The following BIRC6 variants were observed in gnomAD, a reference collection of about 807,000 sequenced individuals.
BIRC6 encodes the protein baculoviral IAP repeat containing 6, also known as dual E2 ubiquitin-conjugating enzyme/E3 ubiquitin-protein ligase BIRC6.
BIRC6 carries 98 observed loss-of-function variants against 503.3 expected under a neutral mutation model. The observed-to-expected ratio is 0.19, with a 90% CI of 0.17 to 0.23. BIRC6 has a LOEUF of 0.23. BIRC6 is among the 10% of genes least tolerant of loss of function. BIRC6 has a pLI of 1.00. For synonymous variants in BIRC6, 2,240 were observed against 2,078.7 expected (o/e 1.08, Z -2.11); for missense variants, 5,360 against 5,806.0 (o/e 0.92, Z 2.50).
chr2:32,488,697 T>G lies in BIRC6; in HGVS notation c.8078T>G (p.Val2693Gly), dbSNP rs1221765808. 7.0e-7 allele frequency: 1 copy of G among 1,420,900 alleles called. No homozygotes were observed. The highest frequency in any genetic ancestry group is 2.5e-5 in the East Asian group (1 of 39,934). The allele number at this position is 1,420,900 out of a possible 1,614,324, so 88.0% of individuals were successfully genotyped here. ...TTATATAATGCTAATAGGATACCTG[T>G]TATTTCATTAAATCAAGGTAAGATT... ...IFLYNANRIP[V>G]ISLNQASITS... The change falls in exon 42 of 74, where the codon GTT becomes GGT. Residue 2693 changes from valine (V) to glycine (G), a missense_variant. Physicochemically the swap from Val to Gly is moderately radical, Grantham distance 109. Around this residue, in one of 16 missense-constraint regions of BIRC6, gnomAD observed 2,299 missense variants for 2,267.2 expected, o/e 1.01. Transcript: ENST00000421745.
chr2:32,597,662 A>G (rs2583713), intron 68 of BIRC6, 89 bp from the exon 69 acceptor site: 355,541 of 905,648 alleles, frequency 0.39, 71,863 homozygotes, highest in Non-Finnish European at 0.42. Context: ...TCTCCAGTTG[A>G]GTGGGAGAAG....
In BIRC6 at chr2:32,617,716, C is replaced by T. The variant is rs1305388680; in HGVS notation, c.14395-9C>T. On this transcript the variant is annotated splice_polypyrimidine_tract_variant and intron_variant, in intron 73 of 73. Transcript: ENST00000421745. ...GCAGTTCTAACATTAGTCCTTTTCT[C>T]CTGCATAGCGTCACACTGCTCAGCT... The T allele has an allele frequency of 6.2e-7, 1 of 1,611,754 alleles. No individual in the cohort carries two copies. Among genetic ancestry groups the T allele is most frequent in the Non-Finnish European group, 8.5e-7 (1 of 1,178,720 alleles).
At chr2:32,368,117 A>G (rs530721096) in intron 1 of BIRC6, among the ~76,000 whole-genome samples, 40 of 152,266 alleles carry the variant, frequency 2.6e-4, no homozygotes, top group Admixed American at 9.8e-4. Context: ...AAATTTTAAG[A>G]AAATACCTCG....
chr2:32,542,848 G>A (rs887456274), intron 61 of BIRC6, among the ~76,000 whole-genome samples: 2 of 152,188 alleles, frequency 1.3e-5, no homozygotes, highest in Non-Finnish European at 2.9e-5. Context: ...TGCCCAGGCT[G>A]GAGTGCGGTG....
intron 66 of BIRC6, among the ~76,000 whole-genome samples, chr2:32,582,936 CATAT>C (rs2060781840): frequency 6.6e-6 from 1 of 152,072 alleles, no homozygotes; most frequent in African/African-American, 2.4e-5. Flanking sequence ...TACATACATA[CATAT>C]ATCTGAAAAG....
At chr2:32,369,940 A>AT (rs2035568221) in intron 1 of BIRC6, among the ~76,000 whole-genome samples, 2 of 50,206 alleles carry the variant, frequency 4.0e-5, no homozygotes, top group Non-Finnish European at 6.9e-5. Context: ...AAAAAAAAAA[A>AT]AAAAAATATA....
intron 13 of BIRC6, 29 bp downstream of exon 13, chr2:32,433,833 A>G (rs1371745562): frequency 4.9e-6 from 7 of 1,442,916 alleles, no homozygotes; most frequent in African/African-American, 1.4e-5. Context: ...TTATCTTTGA[A>G]GATTTTATTT....
chr2:32,442,290 A>C (rs114643386), intron 18 of BIRC6, 34 bp from the exon 19 acceptor site: 1 of 1,609,890 alleles, frequency 6.2e-7, no homozygotes, highest in East Asian at 2.2e-5. Context: ...TTGAAAGTTC[A>C]GGATGAGTCT....
In BIRC6 at chr2:32,611,432, T is replaced by C. The variant is rs1404159852; in HGVS notation, c.14260-16T>C. 1 of 1,592,320 alleles carries C rather than the reference T, an allele frequency of 6.3e-7. No homozygotes were observed. The highest frequency in any genetic ancestry group is 2.3e-5 in the East Asian group (1 of 44,282). ...ACTGTAAACACTGCTTGTTCTCCTGTTTACTTTTTCTCAAGGTAATACACA... is the reference window on the plus strand; with the variant it reads ...ACTGTAAACACTGCTTGTTCTCCTGCTTACTTTTTCTCAAGGTAATACACA... On this transcript the variant is annotated splice_polypyrimidine_tract_variant and intron_variant, in intron 72 of 73. Coordinates refer to ENST00000421745, the MANE Select transcript of BIRC6 (RefSeq NM_016252.4).
chr2:32,503,132 T>A lies in BIRC6; in HGVS notation c.9395T>A (p.Phe3132Tyr), dbSNP rs139790306. The A allele has an allele frequency of 2.7e-5, 44 of 1,611,930 alleles. No individual in the cohort carries two copies. Among genetic ancestry groups the A allele is most frequent in the Non-Finnish European group, 3.7e-5 (44 of 1,178,982 alleles). Residue 3132 changes from phenylalanine (F) to tyrosine (Y), a missense_variant, in exon 49 of 74, where the codon TTT becomes TAT. Phe to Tyr is a conservative substitution (Grantham distance 22). This residue lies in a region of BIRC6 where 267 missense variants were observed against 287.6 expected (regional missense o/e 0.93). Transcript: ENST00000421745. ...ARSMVSTIMK[F>Y]LDSGPNKAVD... The stretch of plus-strand genomic sequence containing the variant: ...AGTATGGTATCAACTATTATGAAAT[T>A]TCTTGACTCTGGTCCAAATAAAGCT...
Position 32,478,644 on chromosome 2 carries a change from C to T in BIRC6, c.7078C>T (p.Arg2360Cys), listed in dbSNP as rs141516283. Reference sequence around the variant, plus strand: ...ATAAAATGTATTACAGGTTCTTGCACGCATTGCAAATGCCACGAGGCCAAC... The same window carrying T: ...ATAAAATGTATTACAGGTTCTTGCATGCATTGCAAATGCCACGAGGCCAAC... ...LLLFVCKVLA[R>C]IANATRPTIH... Residue 2360 changes from arginine to cysteine, a missense_variant, in exon 36 of 74, where the codon CGC becomes TGC. Around this residue, in one of 16 missense-constraint regions of BIRC6, gnomAD observed 2,299 missense variants for 2,267.2 expected, o/e 1.01. Coordinates refer to ENST00000421745, the MANE Select transcript of BIRC6 (RefSeq NM_016252.4). 1.1e-5 allele frequency: 17 copies of T among 1,610,148 alleles called. No homozygotes were observed. The highest frequency in any genetic ancestry group is 1.7e-4 in the Middle Eastern group (1 of 6,046).
rs2048702179 is a variant in BIRC6, at chr2:32,467,687, A to T, written c.5519A>T (p.His1840Leu). 1 of 1,613,946 alleles carries T rather than the reference A, an allele frequency of 6.2e-7. No individual in the cohort carries two copies. Among genetic ancestry groups the T allele is most frequent in the African/African-American group, 1.3e-5 (1 of 75,050 alleles). ...RLVVATDIST[H>L]SLILHDLIPP... ...GTAGTGGCAACTGATATAAGCACTCATTCACTAATTCTTCATGACTTAATA... is the reference window on the plus strand; with the variant it reads ...GTAGTGGCAACTGATATAAGCACTCTTTCACTAATTCTTCATGACTTAATA... Residue 1840 changes from histidine (H) to leucine (L), a missense_variant, in exon 27 of 74, where the codon CAT (histidine) becomes CTT (leucine). His to Leu is a moderately conservative substitution (Grantham distance 99). Coordinates refer to ENST00000421745, the MANE Select transcript of BIRC6 (RefSeq NM_016252.4).
intron 66 of BIRC6, among the ~76,000 whole-genome samples, chr2:32,582,553 C>G (rs1380776075): frequency 6.6e-6 from 1 of 152,178 alleles, no homozygotes; most frequent in African/African-American, 2.4e-5. Flanking sequence ...CACCTGAGGT[C>G]AAGAGTTCAA....
At position 32,571,778 on chromosome 2, in the gene BIRC6, G is replaced by A. The variant is rs187503921; in HGVS notation, c.13145-3378G>A. On this transcript the variant is annotated intron_variant, in intron 65 of 73. Transcript: ENST00000421745. ...GTTCTGTGTTATTCTAACTTTGGGTGTGGATTGTTCTTACTTTTCTAGTTC... is the reference window on the plus strand; with the variant it reads ...GTTCTGTGTTATTCTAACTTTGGGTATGGATTGTTCTTACTTTTCTAGTTC... Among the ~76,000 whole-genome samples the A allele has an allele frequency of 1.1e-3, 170 of 152,146 alleles. 2 individuals are homozygous for A. Among genetic ancestry groups the A allele is most frequent in the Non-Finnish European group, 4.3e-4 (29 of 67,982 alleles).
chr2:32,363,320 TCAAA>T (rs529948520), intron 1 of BIRC6, among the ~76,000 whole-genome samples: 109 of 152,110 alleles, frequency 7.2e-4, no homozygotes, highest in Admixed American at 3.1e-3. Flanking sequence ...AGACTCTGTC[TCAAA>T]CAAACAAACA....
intron 65 of BIRC6, chr2:32,566,577 C>G (rs1485242148): frequency 6.6e-6 from 1 of 152,178 alleles, no homozygotes; most frequent in African/African-American, 2.4e-5. Context: ...TGGTCTTGAG[C>G]TCCTGGGCTC....
In BIRC6 at chr2:32,481,409, G is replaced by C. The variant is rs769098417; in HGVS notation, c.7498G>C (p.Asp2500His). Reference protein sequence around the residue: ...DLMEVDIDPLDIDLEKDPLAA... With the variant: ...DLMEVDIDPLHIDLEKDPLAA... ...AATGGAAGTTGACATTGATCCTTTA[G>C]ATATTGATTTGGAAAAGGACCCTCT... is the stretch of plus-strand genomic sequence containing the variant. The change falls in exon 38 of 74, where the codon GAT (aspartate) becomes CAT (histidine). Residue 2500 changes from aspartate (D) to histidine (H), a missense_variant. Transcript: ENST00000421745. 6.2e-7 allele frequency: 1 copy of C among 1,612,090 alleles called. No homozygotes were observed. The highest frequency in any genetic ancestry group is 8.5e-7 in the Non-Finnish European group (1 of 1,178,994).
intron 62 of BIRC6, among the ~76,000 whole-genome samples, chr2:32,544,793 C>T (rs949455268): frequency 6.6e-6 from 1 of 151,426 alleles, no homozygotes; most frequent in Non-Finnish European, 1.5e-5. Context: ...TAAGTGGGCC[C>T]ATGTAGTTTA....
intron 39 of BIRC6, among the ~76,000 whole-genome samples, chr2:32,485,193 T>A (rs547808160): frequency 1.3e-5 from 2 of 152,310 alleles, no homozygotes; most frequent in East Asian, 1.9e-4. Flanking sequence ...CTAGGGAGTA[T>A]GTGTTTGTGT....
Sources: gnomAD v4.1 joint callset for allele counts (sites outside exome capture counted in the v4.1 genomes callset) on GRCh38, gnomAD v4.1.1 for gene constraint, gnomAD v4.1.1 regional missense constraint, MANE v1.5 for transcripts, NCBI Gene and HGNC (gene_info 2026-07-23, HGNC 2026-07-21) for gene names.